SLC30A9: variants seen among roughly 807,000 people sequenced by gnomAD.
SLC30A9 encodes the protein solute carrier family 30 member 9.
A neutral mutation model predicts 87.5 loss-of-function variants in SLC30A9; 58 were observed. That is an observed-to-expected ratio of 0.66 (90% CI 0.54 to 0.82). The LOEUF (loss-of-function observed/expected upper bound fraction) is 0.82. Among genes scored for constraint, SLC30A9 ranks in the 40% least tolerant of loss-of-function variants. SLC30A9 has a pLI of 0.00. For missense variants in SLC30A9, 557 were observed against 679.1 expected (o/e 0.82, Z 2.00); for synonymous variants, 234 against 233.0 (o/e 1.00, Z -0.04).
chr4:42,053,065 G>A (rs74555946), intron 9 of SLC30A9, among the ~76,000 whole-genome samples: 4,540 of 152,204 alleles, frequency 0.03, 200 homozygotes, highest in African/African-American at 0.094. Flanking sequence ...ATTTGGGCAG[G>A]TACTTCACAA....
chr4:42,026,009 A>C (rs1716178039), intron 6 of SLC30A9, among the ~76,000 whole-genome samples: 2 of 152,078 alleles, frequency 1.3e-5, no homozygotes, highest in African/African-American at 2.4e-5. Flanking sequence ...GCTGGAATAC[A>C]GTGGCTATTC....
At chr4:42,009,299 T>G (rs568918404) in intron 2 of SLC30A9, among the ~76,000 whole-genome samples, 3 of 152,322 alleles carry the variant, frequency 2.0e-5, no homozygotes, top group East Asian at 3.9e-4. Context: ...TCAGACAGAG[T>G]GCAAGTAATT....
chr4:42,014,511 C>T (rs1045573708), intron 2 of SLC30A9, among the ~76,000 whole-genome samples: 3 of 150,004 alleles, frequency 2.0e-5, no homozygotes, highest in African/African-American at 7.3e-5. Flanking sequence ...GAGCTGAGAT[C>T]GTGCTGCTGC....
chr4:42,016,258 A>G (rs2153134782), intron 2 of SLC30A9, among the ~76,000 whole-genome samples: 1 of 152,354 alleles, frequency 6.6e-6, no homozygotes, highest in South Asian at 2.1e-4. Context: ...GAATGAGGAT[A>G]TAAATATAAT....
intron 13 of SLC30A9, 149 bp downstream of exon 13, chr4:42,066,770 T>C: frequency 3.5e-6 from 2 of 564,552 alleles, no homozygotes; most frequent in Admixed American, 3.4e-5. Context: ...TCAGCCCTTA[T>C]TAAAAAGAAA....
At position 42,060,213 on chromosome 4, in the gene SLC30A9, G is replaced by C. The variant is rs752461971; in HGVS notation, c.863G>C (p.Ser288Thr). Residue 288 changes from serine to threonine, a missense_variant, in exon 10 of 18, where the codon AGT becomes ACT. By Grantham distance (58) the Ser-to-Thr change is moderately conservative. Around this residue, in one of 2 missense-constraint regions of SLC30A9, gnomAD observed 467 missense variants for 529.8 expected, o/e 0.88. Coordinates refer to ENST00000264451, the MANE Select transcript of SLC30A9 (RefSeq NM_006345.4). The stretch of plus-strand genomic sequence containing the variant: ...TAGGGTTTACTAGCATTGGGCATCA[G>C]TAAGTCTGTTCAAACACCAGATCCT... Reference protein sequence around the residue: ...CNQGLLALGISKSVQTPDPSH... With the variant: ...CNQGLLALGITKSVQTPDPSH... 4 of 1,612,602 alleles carry C rather than the reference G, an allele frequency of 2.5e-6. No individual in the cohort carries two copies. The East Asian group carries it at 6.7e-5, about 27-fold the overall frequency.
At chr4:42,043,728 G>T (rs1220057901) in intron 8 of SLC30A9, among the ~76,000 whole-genome samples, 1 of 152,114 alleles carries the variant, frequency 6.6e-6, no homozygotes, top group Non-Finnish European at 1.5e-5. Flanking sequence ...ACACCACAAA[G>T]ACAGTCCTCG....
At chr4:42,060,142 C>A in intron 9 of SLC30A9, 49 bp from the exon 10 acceptor site, 1 of 1,412,542 alleles carries the variant, frequency 7.1e-7, no homozygotes, top group Non-Finnish European at 1.0e-6. Context: ...CCATATTATA[C>A]TCTCCATCTT....
intron 2 of SLC30A9, among the ~76,000 whole-genome samples, chr4:42,015,828 T>G (rs1010674622): frequency 5.9e-5 from 9 of 152,100 alleles, no homozygotes; most frequent in Non-Finnish European, 1.3e-4. Context: ...GTGATCTTCA[T>G]GTTGGTAATC....
At chr4:42,045,711 A>T (rs547294681) in intron 8 of SLC30A9, among the ~76,000 whole-genome samples, 6 of 152,302 alleles carry the variant, frequency 3.9e-5, no homozygotes, top group African/African-American at 1.4e-4. Context: ...ACTCCTCCTC[A>T]ACTCGTTTTA....
Position 42,086,863 on chromosome 4 carries a change from A to G in SLC30A9, c.*737A>G, listed in dbSNP as rs150337168. ...TTCTAATGTTAGGAGATATAGTCCT[A>G]GATATTTCCATGGGCCAGTGTGATG... On this transcript the variant is annotated 3_prime_UTR_variant, in exon 18 of 18. Coordinates refer to ENST00000264451, the MANE Select transcript of SLC30A9 (RefSeq NM_006345.4). The G allele has an allele frequency of 6.6e-6, 1 of 152,490 alleles. No homozygotes were observed. The highest frequency in any genetic ancestry group is 1.9e-4 in the East Asian group (1 of 5,190). 9.4% of individuals were successfully genotyped at this position (152,490 alleles called of 1,614,324 possible). A position where few individuals can be genotyped will look rare whatever the true frequency, so the allele number is the denominator to read the frequency against.
chr4:42,067,122 A>G lies in SLC30A9; in HGVS notation c.1182A>G (p.Leu394=), dbSNP rs774944123. Residue 394 remains leucine (L), a synonymous_variant, in exon 14 of 18, where the codon TTA becomes TTG. Transcript: ENST00000264451. ...ESRDPSTNVI[L]LEDTAAVLGV... ...GTGATCCTAGTACAAATGTGATATT[A>G]TTGGAGGATACTGCTGCAGTCTTGG... 3 of 1,612,492 alleles carry G rather than the reference A, an allele frequency of 1.9e-6. No homozygotes were observed. Among genetic ancestry groups the G allele is most frequent in the African/African-American group, 2.7e-5 (2 of 74,902 alleles).
Position 42,021,926 on chromosome 4 carries a change from T to A in SLC30A9, c.435-912T>A, listed in dbSNP as rs9992419. 7.1e-3 allele frequency among the ~76,000 whole-genome samples: 162 copies of A among 22,948 alleles called. 10 individuals are homozygous for A. The highest frequency in any genetic ancestry group is 0.029 in the Non-Finnish European group (83 of 2,840). 15.1% of individuals were successfully genotyped at this position (22,948 alleles called of 152,430 possible). ...CCACCACGCCTGGCTAATTTTTTTT[T>A]TTTTTTTTTTTTTTTTTTTTGAGAC... On this transcript the variant is annotated intron_variant, in intron 4 of 17. Coordinates refer to ENST00000264451, the MANE Select transcript of SLC30A9 (RefSeq NM_006345.4).
intron 6 of SLC30A9, chr4:42,029,776 C>T (rs537561379): frequency 1.4e-6 from 1 of 732,060 alleles, no homozygotes; most frequent in Non-Finnish European, 2.6e-6. Context: ...GGCTTCAAAC[C>T]TAAGTCTCCC....
At chr4:42,049,326 C>A in intron 8 of SLC30A9, 51 bp from the exon 9 acceptor site, 1 of 1,174,538 alleles carries the variant, frequency 8.5e-7, no homozygotes, top group Admixed American at 1.9e-5. Context: ...ATGCTTTTGG[C>A]TTAAATTTTT....
Position 42,090,289 on chromosome 4 carries a change from AT to A in SLC30A9, c.*4164del, listed in dbSNP as rs1190443737. ...TATATAGATTAGTCTGACAGCCTTT[AT>A]ATTTGCATGTAAGTTTACTTGCATC... On this transcript the variant is annotated 3_prime_UTR_variant, in exon 18 of 18. Transcript: ENST00000264451. The A allele has an allele frequency of 2.0e-5, 3 of 152,218 alleles. No homozygotes were observed. The highest frequency in any genetic ancestry group is 1.5e-5 in the Non-Finnish European group (1 of 68,024). The allele number at this position is 152,218 out of a possible 1,614,324, so 9.4% of individuals were successfully genotyped here.
chr4:42,079,536 T>G (rs1718679401), intron 17 of SLC30A9, among the ~76,000 whole-genome samples: 6 of 151,370 alleles, frequency 4.0e-5, no homozygotes, highest in Admixed American at 4.0e-4. Context: ...TCAAGTGATC[T>G]GCCTGCCTTG....
intron 9 of SLC30A9, among the ~76,000 whole-genome samples, chr4:42,057,918 A>G (rs1233747194): frequency 6.6e-6 from 1 of 152,020 alleles, no homozygotes; most frequent in African/African-American, 2.4e-5. Context: ...CCTGGCCAAC[A>G]TGGTGAAACC....
At chr4:42,052,552 A>G (rs920966577) in intron 9 of SLC30A9, among the ~76,000 whole-genome samples, 4 of 152,274 alleles carry the variant, frequency 2.6e-5, no homozygotes, top group Admixed American at 6.5e-5. Flanking sequence ...TGACAAATCA[A>G]TGGAACAAAA....
Sources: allele counts gnomAD v4.1 joint callset (sites outside exome capture counted in the v4.1 genomes callset), GRCh38; gene constraint gnomAD v4.1.1; regional missense constraint gnomAD v4.1.1; transcripts MANE v1.5; gene names NCBI Gene and HGNC (gene_info 2026-07-23, HGNC 2026-07-21).